Variants in PMS1 observed in about 807,000 individuals in gnomAD.
PMS1 encodes the protein PMS1 protein homolog 1.
Under a neutral mutation model 93.1 loss-of-function variants are expected in PMS1, and 79 were observed. That is an observed-to-expected ratio of 0.85 (90% CI 0.71 to 1.02). The LOEUF (loss-of-function observed/expected upper bound fraction) is 1.02, where lower values mean the gene tolerates loss of function less well. Ranked by LOEUF, PMS1 falls within the 50% of genes least tolerant of loss-of-function variation. PMS1 has a pLI of 0.00. For missense variants in PMS1, 1,064 were observed against 1,085.3 expected, an observed-to-expected ratio of 0.98 and a Z score of 0.28; for synonymous variants, 335 against 363.4, an observed-to-expected ratio of 0.92 and a Z score of 0.89.
intron 2 of PMS1, among the ~76,000 whole-genome samples, chr2:189,793,544 C>T (rs1225974081): frequency 6.6e-6 from 1 of 152,078 alleles, no homozygotes; most frequent in Non-Finnish European, 1.5e-5. Context: ...ATAGTCAGTT[C>T]AGTCTGATTA....
intron 9 of PMS1, among the ~76,000 whole-genome samples, chr2:189,856,894 A>C (rs907169670): frequency 6.6e-6 from 1 of 152,094 alleles, no homozygotes; most frequent in Non-Finnish European, 1.5e-5. Context: ...GCCTCATCTA[A>C]AAATCCATTT....
chr2:189,814,578 A>G (rs2051115575), intron 4 of PMS1, among the ~76,000 whole-genome samples: 1 of 152,152 alleles, frequency 6.6e-6, no homozygotes, highest in Non-Finnish European at 1.5e-5. Flanking sequence ...TTAAGTATTC[A>G]TTTAAGACTT....
At chr2:189,871,653 C>T (rs549368180) in intron 11 of PMS1, among the ~76,000 whole-genome samples, 12 of 152,348 alleles carry the variant, frequency 7.9e-5, no homozygotes, top group African/African-American at 2.9e-4. Context: ...AGCTTTCAAA[C>T]TCTTCCAGCC....
chr2:189,872,773 C>T lies in PMS1; in HGVS notation c.2474-723C>T, dbSNP rs2057263848. The stretch of plus-strand genomic sequence containing the variant: ...TCAGCTTCCCTAGTAGCTGGGACTA[C>T]AGGCACGTACCACCACACTCGTCTA... On this transcript the variant is annotated intron_variant, in intron 11 of 12. Coordinates refer to ENST00000441310, the MANE Select transcript of PMS1 (RefSeq NM_000534.5). 4.6e-5 allele frequency among the ~76,000 whole-genome samples: 7 copies of T among 152,266 alleles called. 1 individual carries two copies. The South Asian group carries it at 1.5e-3, about 32-fold the overall frequency.
chr2:189,834,801 C>T (rs1436107712), intron 5 of PMS1, among the ~76,000 whole-genome samples: 1 of 151,960 alleles, frequency 6.6e-6, no homozygotes, highest in Admixed American at 6.6e-5. Flanking sequence ...ATGATCATAG[C>T]TCACTTCAGC....
In PMS1 at chr2:189,877,416, T is replaced by C. The variant is rs758133616; in HGVS notation, c.2779T>C (p.Tyr927His). ...TCGCCCATTTTTTCATCATTTAACCTATCTTCCAGAAACTACATGATTAAA... is the reference window on the plus strand; with the variant it reads ...TCGCCCATTTTTTCATCATTTAACCCATCTTCCAGAAACTACATGATTAAA... ...HGRPFFHHLT[Y>H]LPETT is the part of the protein sequence containing the mutation. Residue 927 changes from tyrosine (Y) to histidine (H), a missense_variant, in exon 13 of 13, where the codon TAT (tyrosine) becomes CAT (histidine). Physicochemically the swap from Tyr to His is moderately conservative, Grantham distance 83. Coordinates refer to ENST00000441310, the MANE Select transcript of PMS1 (RefSeq NM_000534.5). 1 of 1,611,502 alleles carries C rather than the reference T, an allele frequency of 6.2e-7. No homozygotes were observed. The highest frequency in any genetic ancestry group is 2.2e-5 in the East Asian group (1 of 44,832).
At chr2:189,858,559 A>G (rs1455159496) in intron 9 of PMS1, among the ~76,000 whole-genome samples, 2 of 152,140 alleles carry the variant, frequency 1.3e-5, no homozygotes, top group African/African-American at 4.8e-5. Context: ...TTTCCCAAAG[A>G]TGAGTACCAT....
At chr2:189,793,910 A>C (rs991465747) in intron 2 of PMS1, among the ~76,000 whole-genome samples, 2 of 152,160 alleles carry the variant, frequency 1.3e-5, no homozygotes, top group Admixed American at 6.5e-5. Context: ...TACTATTTTG[A>C]ACATTTAAAC....
intron 2 of PMS1, among the ~76,000 whole-genome samples, chr2:189,793,655 G>A (rs1473055607): frequency 1.3e-5 from 2 of 152,086 alleles, no homozygotes; most frequent in African/African-American, 4.8e-5. Flanking sequence ...AAACATTTCT[G>A]GAAGAAAAAC....
At chr2:189,877,016 A>G (rs41561515) in intron 12 of PMS1, among the ~76,000 whole-genome samples, 7,456 of 152,128 alleles carry the variant, frequency 0.049, 295 homozygotes, top group African/African-American at 0.1. Context: ...CGCATTATTT[A>G]TTGACTAAAA....
chr2:189,865,354 A>G (rs2056560779), intron 10 of PMS1, among the ~76,000 whole-genome samples: 1 of 152,114 alleles, frequency 6.6e-6, no homozygotes, highest in Non-Finnish European at 1.5e-5. Flanking sequence ...ATGTTGTTCA[A>G]CTTCTCTCCC....
intron 1 of PMS1, 119 bp from the exon 2 acceptor site, chr2:189,791,671 C>T (rs942027501): frequency 9.9e-6 from 7 of 708,542 alleles, no homozygotes; most frequent in African/African-American, 7.0e-5. Context: ...AACAGTTGAG[C>T]GTAGCATACA....
At chr2:189,839,862 T>A (rs984777597) in intron 5 of PMS1, among the ~76,000 whole-genome samples, 6 of 152,202 alleles carry the variant, frequency 3.9e-5, no homozygotes, top group Non-Finnish European at 7.3e-5. Flanking sequence ...TTAGTTACTT[T>A]AAAATTTTTT....
chr2:189,874,109 A>T (rs1016256762), intron 12 of PMS1, among the ~76,000 whole-genome samples: 12 of 152,338 alleles, frequency 7.9e-5, no homozygotes, highest in African/African-American at 2.6e-4. Flanking sequence ...TATTAAAAAA[A>T]AAAAGAACAC....
At chr2:189,814,074 T>C (rs2051063433) in intron 4 of PMS1, among the ~76,000 whole-genome samples, 1 of 152,218 alleles carries the variant, frequency 6.6e-6, no homozygotes. Context: ...GACTGCTAAA[T>C]GCATGCATTT....
chr2:189,831,327 A>C (rs982964310), intron 5 of PMS1, among the ~76,000 whole-genome samples: 1 of 152,356 alleles, frequency 6.6e-6, no homozygotes, highest in African/African-American at 2.4e-5. Context: ...TCAGTTTGGC[A>C]GTACTCTACA....
intron 2 of PMS1, among the ~76,000 whole-genome samples, chr2:189,793,350 T>C (rs1372243195): frequency 6.6e-6 from 1 of 152,248 alleles, no homozygotes; most frequent in African/African-American, 2.4e-5. Context: ...GCCTGAGAAT[T>C]TGCATTTCTA....
intron 3 of PMS1, among the ~76,000 whole-genome samples, chr2:189,804,802 C>A (rs1205850219): frequency 6.6e-6 from 1 of 152,138 alleles, no homozygotes; most frequent in Non-Finnish European, 1.5e-5. Context: ...AAAGATTACT[C>A]CCAATTTTGG....
At chr2:189,842,605 G>C (rs1244393307) in intron 5 of PMS1, among the ~76,000 whole-genome samples, 2 of 152,140 alleles carry the variant, frequency 1.3e-5, no homozygotes, top group Non-Finnish European at 1.5e-5. Context: ...TTAATATTGA[G>C]AGTTTATTTG....
Sources: gnomAD v4.1 joint callset for allele counts (sites outside exome capture counted in the v4.1 genomes callset) on GRCh38, gnomAD v4.1.1 for gene constraint, MANE v1.5 for transcripts, NCBI Gene and HGNC (gene_info 2026-07-23, HGNC 2026-07-21) for gene names.